The following CCDC60 variants were observed in gnomAD, a reference collection of about 807,000 sequenced individuals.
The protein encoded by CCDC60 is coiled-coil domain-containing protein 60.
CCDC60 carries 54 observed loss-of-function variants against 63.5 expected under a neutral mutation model. The ratio of observed to expected loss-of-function variants is 0.85; its 90% CI spans 0.68 to 1.07. CCDC60 has a LOEUF of 1.07. Ranked by LOEUF, CCDC60 falls within the 50% of genes least tolerant of loss-of-function variation. The probability of loss-of-function intolerance (pLI) is 0.00; values close to 1 mark genes in which losing one functional copy is unlikely to be tolerated. For synonymous variants in CCDC60, 206 were observed against 238.8 expected (o/e 0.86, Z 1.27); for missense variants, 651 against 684.3 (o/e 0.95, Z 0.54).
intron 2 of CCDC60, among the ~76,000 whole-genome samples, chr12:119,453,377 GA>G (rs560764498): frequency 5.3e-5 from 8 of 152,140 alleles, no homozygotes; most frequent in Non-Finnish European, 1.0e-4. Context: ...GAAGAATTAA[GA>G]AAAGAAAACC....
intron 2 of CCDC60, among the ~76,000 whole-genome samples, chr12:119,459,421 C>G (rs1433356874): frequency 6.6e-6 from 1 of 152,200 alleles, no homozygotes; most frequent in Non-Finnish European, 1.5e-5. Flanking sequence ...CATCTTGCTT[C>G]TAACCTCCAA....
chr12:119,426,418 C>T (rs757169594), intron 1 of CCDC60, among the ~76,000 whole-genome samples: 7 of 151,972 alleles, frequency 4.6e-5, no homozygotes, highest in African/African-American at 7.2e-5. Context: ...TGCAGTGGCG[C>T]GATCTCAGGT....
intron 5 of CCDC60, among the ~76,000 whole-genome samples, chr12:119,492,188 G>A (rs2136386931): frequency 1.3e-5 from 2 of 152,248 alleles, no homozygotes; most frequent in South Asian, 4.2e-4. Context: ...TTTCTTCCTG[G>A]TGGGCATTTT....
At chr12:119,378,188 G>C (rs768142035) in intron 1 of CCDC60, among the ~76,000 whole-genome samples, 1 of 152,186 alleles carries the variant, frequency 6.6e-6, no homozygotes, top group Non-Finnish European at 1.5e-5. Flanking sequence ...CTACCTGGCG[G>C]GTGCCGTGTT....
Position 119,540,839 on chromosome 12 carries a change from C to T in CCDC60, c.*124C>T, listed in dbSNP as rs1953143238. 3.1e-6 allele frequency: 2 copies of T among 653,856 alleles called. No individual in the cohort carries two copies. Among genetic ancestry groups the T allele is most frequent in the South Asian group, 1.9e-5 (1 of 51,704 alleles). 40.5% of individuals were successfully genotyped at this position (653,856 alleles called of 1,614,324 possible). On this transcript the variant is annotated 3_prime_UTR_variant, in exon 14 of 14. Coordinates refer to ENST00000327554, the MANE Select transcript of CCDC60 (RefSeq NM_178499.5). ...GATGCTCTTTATGGATGACCCTTTA[C>T]AGTAGGGTCATCTGGAGACTGACTT...
intron 5 of CCDC60, among the ~76,000 whole-genome samples, chr12:119,499,567 T>C (rs1388157271): frequency 1.3e-5 from 2 of 152,186 alleles, no homozygotes; most frequent in Admixed American, 6.5e-5. Flanking sequence ...TTGCACACAG[T>C]GTCGTAGAGA....
At chr12:119,477,340 G>A (rs1951197945) in intron 3 of CCDC60, among the ~76,000 whole-genome samples, 1 of 152,226 alleles carries the variant, frequency 6.6e-6, no homozygotes, top group Admixed American at 6.5e-5. Flanking sequence ...TGGGGGACAT[G>A]TTTTGAAATT....
intron 1 of CCDC60, among the ~76,000 whole-genome samples, chr12:119,363,678 G>C (rs1038627242): frequency 6.6e-6 from 1 of 152,118 alleles, no homozygotes; most frequent in African/African-American, 2.4e-5. Context: ...GTGGGTACTT[G>C]TTTCCATCTG....
intron 2 of CCDC60, among the ~76,000 whole-genome samples, chr12:119,431,975 G>A (rs115446852): frequency 0.021 from 3,150 of 152,058 alleles, 113 homozygotes; most frequent in African/African-American, 0.072. Context: ...CACCATGCCC[G>A]GCCCTTTGTT....
chr12:119,349,279 A>C (rs1955629742), intron 1 of CCDC60, among the ~76,000 whole-genome samples: 1 of 151,460 alleles, frequency 6.6e-6, no homozygotes, highest in Admixed American at 6.6e-5. Context: ...ACTGCATCTT[A>C]TAACTGTTCA....
chr12:119,395,377 T>C (rs1041981221), intron 1 of CCDC60, among the ~76,000 whole-genome samples: 1 of 152,180 alleles, frequency 6.6e-6, no homozygotes, highest in Admixed American at 6.5e-5. Flanking sequence ...TGCTGGCTTC[T>C]GGGGAGGCCT....
chr12:119,503,051 C>T (rs538357538), intron 6 of CCDC60, among the ~76,000 whole-genome samples: 15 of 152,158 alleles, frequency 9.9e-5, no homozygotes, highest in African/African-American at 3.4e-4. Flanking sequence ...GTGGTGGGCA[C>T]CTGTAATACC....
chr12:119,494,193 CAG>C (rs758922815), intron 5 of CCDC60, among the ~76,000 whole-genome samples: 63 of 152,192 alleles, frequency 4.1e-4, no homozygotes, highest in Non-Finnish European at 6.0e-4. Flanking sequence ...TAGACTTTTA[CAG>C]AGTCACAGAC....
At position 119,359,692 on chromosome 12, in the gene CCDC60, G is replaced by A. The variant is rs557153376; in HGVS notation, c.90+24426G>A. Reference sequence around the variant, plus strand: ...AGAGGACCCTGCGGCCTTCCGCAGCGTTTGTGTCCCTGGGTACTTGAGATT... The same window carrying A: ...AGAGGACCCTGCGGCCTTCCGCAGCATTTGTGTCCCTGGGTACTTGAGATT... On this transcript the variant is annotated intron_variant, in intron 1 of 13. Transcript: ENST00000327554. Among the ~76,000 whole-genome samples the A allele has an allele frequency of 7.9e-5, 12 of 151,140 alleles. No individual in the cohort carries two copies. In the East Asian group the frequency reaches 9.7e-4, roughly 12 times the overall value.
intron 2 of CCDC60, among the ~76,000 whole-genome samples, chr12:119,464,521 C>T (rs1950917125): frequency 6.6e-6 from 1 of 152,102 alleles, no homozygotes; most frequent in South Asian, 2.1e-4. Flanking sequence ...TAAGCCCCCT[C>T]CAACCAGCTG....
chr12:119,388,714 A>G (rs1438968517), intron 1 of CCDC60, among the ~76,000 whole-genome samples: 2 of 152,248 alleles, frequency 1.3e-5, no homozygotes, highest in African/African-American at 4.8e-5. Flanking sequence ...GTTCTTAAGA[A>G]TAAACACTTA....
intron 2 of CCDC60, among the ~76,000 whole-genome samples, chr12:119,453,753 C>A (rs899773538): frequency 6.7e-6 from 1 of 149,014 alleles, no homozygotes; most frequent in Non-Finnish European, 1.5e-5. Flanking sequence ...ATGGTGATGA[C>A]TACAATGAAG....
At chr12:119,364,603 A>G (rs1955822338) in intron 1 of CCDC60, among the ~76,000 whole-genome samples, 1 of 152,270 alleles carries the variant, frequency 6.6e-6, no homozygotes, top group South Asian at 2.1e-4. Context: ...GAGTTTATCC[A>G]TTCACCTGTT....
rs897331024 is a variant in CCDC60 at position 119,440,061 on chromosome 12, G to A, written c.170+11299G>A. On this transcript the variant is annotated intron_variant, in intron 2 of 13. Transcript: ENST00000327554. ...GGAACACCACACACTGGGGCCTGTC[G>A]GGGGGTGGGGGGCCGGGGATGGAGA... 1.1e-4 allele frequency among the ~76,000 whole-genome samples: 17 copies of A among 151,946 alleles called. 1 individual carries two copies. The highest frequency in any genetic ancestry group is 2.4e-4 in the Non-Finnish European group (16 of 67,994).
Sources: allele counts gnomAD v4.1 joint callset (sites outside exome capture counted in the v4.1 genomes callset), GRCh38; gene constraint gnomAD v4.1.1; transcripts MANE v1.5; gene names NCBI Gene and HGNC (gene_info 2026-07-23, HGNC 2026-07-21).